LRIG2: variants seen among roughly 807,000 people sequenced by gnomAD.
LRIG2 encodes leucine rich repeats and immunoglobulin like domains 2, also known as leucine-rich repeats and immunoglobulin-like domains protein 2.
LRIG2 carries 93 observed loss-of-function variants against 107.8 expected under a neutral mutation model. That is an observed-to-expected ratio of 0.86 (90% CI 0.73 to 1.03). The LOEUF is 1.03. LRIG2 is among the 50% of genes least tolerant of loss of function. The pLI is 0.00. For synonymous variants in LRIG2, 471 were observed against 470.6 expected (o/e 1.00, Z -0.01); for missense variants, 1,226 against 1,296.0 (o/e 0.95, Z 0.83).
chr1:113,094,143 T>C (rs1653946263), intron 4 of LRIG2, among the ~76,000 whole-genome samples, 196 bp from the exon 5 acceptor site: 1 of 152,260 alleles, frequency 6.6e-6, no homozygotes. Flanking sequence ...CATGCTGTTT[T>C]GTAACAACCT....
chr1:113,131,598 C>T lies in LRIG2; in HGVS notation c.*7497C>T, dbSNP rs1655702360. ...ATACAGTTGGCAGATGTTTTTTCCCCCTTTTTCTACCTTAAACTTTTTTGT... is the reference window on the plus strand; with the variant it reads ...ATACAGTTGGCAGATGTTTTTTCCCTCTTTTTCTACCTTAAACTTTTTTGT... On this transcript the variant is annotated 3_prime_UTR_variant, in exon 18 of 18. Transcript: ENST00000361127. 6.6e-6 allele frequency: 1 copy of T among 152,112 alleles called. No individual in the cohort carries two copies. Among genetic ancestry groups the T allele is most frequent in the Non-Finnish European group, 1.5e-5 (1 of 68,028 alleles). 9.4% of individuals were successfully genotyped at this position (152,112 alleles called of 1,614,324 possible).
At chr1:113,079,679 A>C (rs534281215) in intron 1 of LRIG2, among the ~76,000 whole-genome samples, 1 of 149,602 alleles carries the variant, frequency 6.7e-6, no homozygotes, top group Admixed American at 6.6e-5. Flanking sequence ...CTCAAAAAAA[A>C]AAAAGAAAAA....
At position 113,091,365 on chromosome 1, in the gene LRIG2, C is replaced by T. The variant is rs749329790; in HGVS notation, c.287C>T (p.Ser96Leu). 6.3e-7 allele frequency: 1 copy of T among 1,598,840 alleles called. No individual in the cohort carries two copies. The highest frequency in any genetic ancestry group is 2.2e-5 in the East Asian group (1 of 44,472). ...RLSNWNISLE[S>L]QTLQEVKMNY... ...TCTAACTGGAACATCAGCTTGGAAT[C>T]ACAAACATTACAGGAAGTGTAAGTT... Residue 96 changes from serine (S) to leucine (L), a missense_variant, in exon 2 of 18, where the codon TCA becomes TTA. Transcript: ENST00000361127.
chr1:113,103,144 T>C (rs929330182), intron 11 of LRIG2: 22 of 152,172 alleles, frequency 1.4e-4, no homozygotes, highest in Admixed American at 1.4e-3. Flanking sequence ...ATTTAGTAAT[T>C]TGAGAGTTGT....
chr1:113,082,114 C>T (rs1238087622), intron 1 of LRIG2, among the ~76,000 whole-genome samples: 2 of 152,208 alleles, frequency 1.3e-5, no homozygotes, highest in African/African-American at 4.8e-5. Context: ...TGAACTGTTT[C>T]ACTTGCAACA....
At chr1:113,118,822 G>A (rs1469373491) in intron 16 of LRIG2, among the ~76,000 whole-genome samples, 1 of 152,110 alleles carries the variant, frequency 6.6e-6, no homozygotes, top group African/African-American at 2.4e-5. Context: ...ACGCCACCAC[G>A]CCTGGCTAAT....
intron 1 of LRIG2, among the ~76,000 whole-genome samples, chr1:113,078,596 T>C (rs1653101597): frequency 6.6e-6 from 1 of 152,022 alleles, no homozygotes; most frequent in African/African-American, 2.4e-5. Context: ...GTATTTCATA[T>C]TTCCTTCCTA....
chr1:113,116,524 A>G (rs1655024204), intron 16 of LRIG2, 88 bp downstream of exon 16: 2 of 1,292,968 alleles, frequency 1.5e-6, no homozygotes, highest in Non-Finnish European at 2.1e-6. Flanking sequence ...AATCTGAAGC[A>G]ATATTTTAAA....
chr1:113,077,239 G>C (rs1478144963), intron 1 of LRIG2, among the ~76,000 whole-genome samples: 1 of 151,892 alleles, frequency 6.6e-6, no homozygotes, highest in Non-Finnish European at 1.5e-5. Flanking sequence ...CTGTCGCCCG[G>C]GTTCAAGTGA....
At chr1:113,082,088 C>T (rs1339950713) in intron 1 of LRIG2, among the ~76,000 whole-genome samples, 2 of 152,180 alleles carry the variant, frequency 1.3e-5, no homozygotes, top group Non-Finnish European at 2.9e-5. Flanking sequence ...CCCTGGCTTG[C>T]ATGATACTGT....
In LRIG2 at chr1:113,119,413, C is replaced by T. The variant is rs1194837842; in HGVS notation, c.2861C>T (p.Thr954Ile). The T allele has an allele frequency of 1.2e-6, 2 of 1,614,144 alleles. No homozygotes were observed. Among genetic ancestry groups the T allele is most frequent in the Non-Finnish European group, 8.5e-7 (1 of 1,180,032 alleles). ...ETYLVHPPQD[T>I]TALESLIPSA... is the part of the protein sequence containing the mutation. ...TATTTAGTACATCCTCCCCAGGATA[C>T]TACTGCCCTAGAGAGCCTGATACCG... Residue 954 changes from threonine (T) to isoleucine (I), a missense_variant, in exon 17 of 18, where the codon ACT becomes ATT. Transcript: ENST00000361127.
At chr1:113,080,971 G>A (rs1274299788) in intron 1 of LRIG2, among the ~76,000 whole-genome samples, 6 of 151,118 alleles carry the variant, frequency 4.0e-5, no homozygotes, top group Non-Finnish European at 1.5e-5. Context: ...AGCCTCCTGA[G>A]TAGCTGGGAT....
In LRIG2 at chr1:113,107,731, A is replaced by G; in HGVS notation, c.1451A>G (p.Asn484Ser). 6.2e-7 allele frequency: 1 copy of G among 1,613,414 alleles called. No individual in the cohort carries two copies. Among genetic ancestry groups the G allele is most frequent in the Non-Finnish European group, 8.5e-7 (1 of 1,179,832 alleles). ...TGGCTAGCAGGGCAAAGCATCCTGA[A>G]TGTGGATCTGAAAGATTTTGTCTGT... is the stretch of plus-strand genomic sequence containing the variant. Reference protein sequence around the residue: ...PEWLAGQSILNVDLKDFVCDD... With the variant: ...PEWLAGQSILSVDLKDFVCDD... Residue 484 changes from asparagine (N) to serine (S), a missense_variant, in exon 12 of 18, where the codon AAT becomes AGT. By Grantham distance (46) the Asn-to-Ser change is conservative. Transcript: ENST00000361127.
chr1:113,073,333 C>A lies in LRIG2; in HGVS notation c.-74C>A. 1.6e-6 allele frequency: 2 copies of A among 1,259,162 alleles called. No homozygotes were observed. The highest frequency in any genetic ancestry group is 2.3e-6 in the Non-Finnish European group (2 of 872,086). The allele number at this position is 1,259,162 out of a possible 1,614,324, so 78.0% of individuals were successfully genotyped here. A position where few individuals can be genotyped will look rare whatever the true frequency, so the allele number is the denominator to read the frequency against. On this transcript the variant is annotated 5_prime_UTR_variant, in exon 1 of 18. In the 5' UTR this introduces an upstream ATG that the reference lacks. Coordinates refer to ENST00000361127, the MANE Select transcript of LRIG2 (RefSeq NM_014813.3). ...GAGACAGTGCAGCCACCGAGCATCTCTGCTGAGCTTCTCCGCCGATCCTCC... is the reference window on the plus strand; with the variant it reads ...GAGACAGTGCAGCCACCGAGCATCTATGCTGAGCTTCTCCGCCGATCCTCC...
chr1:113,093,810 CAT>C (rs1189768547), intron 4 of LRIG2, among the ~76,000 whole-genome samples: 2 of 152,056 alleles, frequency 1.3e-5, no homozygotes, highest in African/African-American at 2.4e-5. Context: ...AAATAAAGCA[CAT>C]GTTTATTATT....
Position 113,093,288 on chromosome 1 carries a change from A to G in LRIG2, c.380+8A>G. 1 of 1,574,382 alleles carries G rather than the reference A, an allele frequency of 6.4e-7. No individual in the cohort carries two copies. The highest frequency in any genetic ancestry group is 8.6e-7 in the Non-Finnish European group (1 of 1,159,210). ...TATTACTCTACTTTCATTGTAAGTTAGTAAGTTTTCAGGTTTTTTACTTAA... is the reference window on the plus strand; with the variant it reads ...TATTACTCTACTTTCATTGTAAGTTGGTAAGTTTTCAGGTTTTTTACTTAA... On this transcript the variant is annotated splice_region_variant and intron_variant, in intron 3 of 17. Coordinates refer to ENST00000361127, the MANE Select transcript of LRIG2 (RefSeq NM_014813.3).
chr1:113,122,075 C>CA (rs1553231684), intron 17 of LRIG2, among the ~76,000 whole-genome samples: 22 of 87,060 alleles, frequency 2.5e-4, no homozygotes, highest in Non-Finnish European at 4.3e-4. Flanking sequence ...TTAGGCTCAC[C>CA]TTTTTTTTTT....
intron 2 of LRIG2, 151 bp from the exon 3 acceptor site, chr1:113,093,055 A>G (rs1653894757): frequency 3.5e-6 from 2 of 578,222 alleles, no homozygotes; most frequent in Non-Finnish European, 3.1e-6. Flanking sequence ...TTCTCAATAA[A>G]TACATTTTTA....
chr1:113,113,527 C>CATTTATTTATTTATTT (rs71590539), intron 14 of LRIG2, among the ~76,000 whole-genome samples: 1 of 138,452 alleles, frequency 7.2e-6, no homozygotes, highest in African/African-American at 2.7e-5. Context: ...AATAAGAAGT[C>CATTTATTTATTTATTT]ATTTATTTAT....
Sources: gnomAD v4.1 joint callset for allele counts (sites outside exome capture counted in the v4.1 genomes callset) on GRCh38, gnomAD v4.1.1 for gene constraint, MANE v1.5 for transcripts, NCBI Gene and HGNC (gene_info 2026-07-23, HGNC 2026-07-21) for gene names.